KHDRBS2: variants seen among roughly 807,000 people sequenced by gnomAD.
KHDRBS2 encodes KH RNA binding domain containing, signal transduction associated 2, also known as KH domain-containing, RNA-binding, signal transduction-associated protein 2.
In KHDRBS2, 26 loss-of-function variants were observed where a neutral mutation model predicts 44.3. The observed-to-expected ratio is 0.59, with a 90% CI of 0.43 to 0.81. The LOEUF is 0.81. Ranked by LOEUF, KHDRBS2 falls within the 40% of genes least tolerant of loss-of-function variation. The pLI is 0.00. For missense variants in KHDRBS2, 476 were observed against 433.1 expected (o/e 1.10, Z -0.88); for synonymous variants, 194 against 151.1 (o/e 1.28, Z -2.08).
At chr6:61,852,544 C>T (rs891611280) in intron 6 of KHDRBS2, among the ~76,000 whole-genome samples, 35 of 146,684 alleles carry the variant, frequency 2.4e-4, no homozygotes, top group African/African-American at 8.3e-4. Context: ...AGCCTGGTGA[C>T]AGAGCGAGAC....
intron 1 of KHDRBS2, among the ~76,000 whole-genome samples, chr6:62,264,201 T>C (rs1838818197): frequency 1.3e-5 from 2 of 151,826 alleles, no homozygotes. Flanking sequence ...TTGAGTCACA[T>C]CATTTTTTGA....
intron 4 of KHDRBS2, among the ~76,000 whole-genome samples, chr6:61,955,642 G>A (rs116020652): frequency 0.25 from 30,075 of 119,808 alleles, 7,498 homozygotes; most frequent in African/African-American, 0.34. Context: ...GTATATACAC[G>A]TATGTATGTA....
chr6:61,782,725 A>G (rs1486160934), intron 6 of KHDRBS2, among the ~76,000 whole-genome samples: 3 of 142,166 alleles, frequency 2.1e-5, no homozygotes, highest in African/African-American at 5.1e-5. Context: ...ATATATATAT[A>G]TATATATATA....
chr6:61,589,628 A>G, the KHDRBS2 span, among the ~76,000 whole-genome samples: 5 of 152,152 alleles, frequency 3.3e-5, no homozygotes, highest in Non-Finnish European at 7.3e-5. Context: ...TAATTTGAGC[A>G]AACTGTGGAC....
At chr6:61,669,686 C>A in the KHDRBS2 span, among the ~76,000 whole-genome samples, 1 of 150,784 alleles carries the variant, frequency 6.6e-6, no homozygotes, top group Non-Finnish European at 1.5e-5. Flanking sequence ...TATACACAAA[C>A]CTGCATGATT....
chr6:62,120,187 A>G (rs1807277347), intron 2 of KHDRBS2, among the ~76,000 whole-genome samples: 3 of 152,166 alleles, frequency 2.0e-5, no homozygotes, highest in Admixed American at 1.3e-4. Context: ...ATAGGAATAA[A>G]AAGGTGGCCC....
intron 2 of KHDRBS2, among the ~76,000 whole-genome samples, chr6:62,146,639 G>C (rs1197867683): frequency 6.6e-6 from 1 of 151,666 alleles, no homozygotes; most frequent in East Asian, 1.9e-4. Flanking sequence ...CAGGGTAATA[G>C]ATTTATTTTT....
rs1188471190 is a variant in KHDRBS2 at position 61,993,650 on chromosome 6, C to CATATATAT, written c.337-15446_337-15439dup. ...CTCTACTCCTTCAGTCCCATAAAAT[C>CATATATAT]ATATATATATATATATATATATATT... is the stretch of plus-strand genomic sequence containing the variant. On this transcript the variant is annotated intron_variant, in intron 3 of 8. Coordinates refer to ENST00000281156, the MANE Select transcript of KHDRBS2 (RefSeq NM_152688.4). Among the ~76,000 whole-genome samples, 431 of 66,374 alleles carry CATATATAT rather than the reference C, an allele frequency of 6.5e-3. 7 individuals carry two copies. The highest frequency in any genetic ancestry group is 0.015 in the African/African-American group (389 of 25,194). 43.5% of individuals were successfully genotyped at this position (66,374 alleles called of 152,430 possible).
intron 4 of KHDRBS2, among the ~76,000 whole-genome samples, chr6:61,963,946 T>C (rs1307590686): frequency 1.3e-5 from 2 of 152,042 alleles, no homozygotes; most frequent in African/African-American, 2.4e-5. Flanking sequence ...AGCTTTTCCA[T>C]AACAAAAAGA....
chr6:62,012,702 T>C (rs1780524340), intron 3 of KHDRBS2, among the ~76,000 whole-genome samples: 1 of 152,136 alleles, frequency 6.6e-6, no homozygotes, highest in South Asian at 2.1e-4. Flanking sequence ...TGGCTTTTTG[T>C]GATTCAGCTT....
At chr6:62,211,739 A>G (rs1829079355) in intron 1 of KHDRBS2, among the ~76,000 whole-genome samples, 1 of 152,216 alleles carries the variant, frequency 6.6e-6, no homozygotes, top group Admixed American at 6.5e-5. Flanking sequence ...ATTGTGGAAG[A>G]CAGTGGGGCG....
intron 3 of KHDRBS2, among the ~76,000 whole-genome samples, chr6:62,034,838 T>C (rs1784994754): frequency 6.6e-6 from 1 of 151,894 alleles, no homozygotes; most frequent in Non-Finnish European, 1.5e-5. Context: ...TCAGAATATG[T>C]ATTTCTGAAA....
At chr6:62,058,226 C>T (rs1790746356) in intron 2 of KHDRBS2, among the ~76,000 whole-genome samples, 1 of 151,800 alleles carries the variant, frequency 6.6e-6, no homozygotes, top group African/African-American at 2.4e-5. Flanking sequence ...GCCAGTGTTG[C>T]TCACTGGCAT....
the KHDRBS2 span, among the ~76,000 whole-genome samples, chr6:61,592,528 C>G: frequency 6.6e-6 from 1 of 152,106 alleles, no homozygotes; most frequent in Non-Finnish European, 1.5e-5. Flanking sequence ...CTGAGAGAAA[C>G]TTGGTAGTTT....
At chr6:61,602,326 G>A in the KHDRBS2 span, among the ~76,000 whole-genome samples, 31 of 152,192 alleles carry the variant, frequency 2.0e-4, no homozygotes, top group South Asian at 1.2e-3. Context: ...GGCTTGAACC[G>A]CAGTGGCCAG....
chr6:61,729,320 C>T (rs558175630), intron 7 of KHDRBS2, among the ~76,000 whole-genome samples: 4 of 152,008 alleles, frequency 2.6e-5, no homozygotes, highest in Admixed American at 6.6e-5. Flanking sequence ...CACACTGGGG[C>T]CTTTTGGCCT....
At chr6:61,753,613 A>G (rs1021319559) in intron 6 of KHDRBS2, among the ~76,000 whole-genome samples, 2 of 152,114 alleles carry the variant, frequency 1.3e-5, no homozygotes, top group Non-Finnish European at 2.9e-5. Flanking sequence ...CCTTGGGGCT[A>G]TATGGAAAAG....
chr6:62,270,246 G>A (rs1839855983), intron 1 of KHDRBS2, among the ~76,000 whole-genome samples: 2 of 151,534 alleles, frequency 1.3e-5, no homozygotes, highest in South Asian at 4.2e-4. Context: ...GTTCACACAA[G>A]AGCTGGTTGT....
At chr6:62,137,453 C>T (rs1259427591) in intron 2 of KHDRBS2, among the ~76,000 whole-genome samples, 2 of 152,124 alleles carry the variant, frequency 1.3e-5, no homozygotes, top group Non-Finnish European at 2.9e-5. Flanking sequence ...GAATTATAAA[C>T]ACAAGGTCTT....
Sources: gnomAD v4.1 joint callset for allele counts (sites outside exome capture counted in the v4.1 genomes callset) on GRCh38, gnomAD v4.1.1 for gene constraint, MANE v1.5 for transcripts, NCBI Gene and HGNC (gene_info 2026-07-23, HGNC 2026-07-21) for gene names.